The following ITGA1 variants were observed in gnomAD, a reference collection of about 807,000 sequenced individuals.
ITGA1 encodes integrin subunit alpha 1, also known as integrin alpha-1.
Under a neutral mutation model 145.9 loss-of-function variants are expected in ITGA1, and 85 were observed. The ratio of observed to expected loss-of-function variants is 0.58; its 90% confidence interval spans 0.49 to 0.70. ITGA1 has a LOEUF of 0.70. Ranked by LOEUF, ITGA1 falls within the 30% of genes least tolerant of loss-of-function variation. The probability of loss-of-function intolerance (pLI) is 0.00; values close to 1 mark genes in which losing one functional copy is unlikely to be tolerated. For synonymous variants in ITGA1, 520 were observed against 495.3 expected, an observed-to-expected ratio of 1.05 and a Z score of -0.66; for missense variants, 1,351 against 1,418.7, an observed-to-expected ratio of 0.95 and a Z score of 0.77.
At chr5:52,877,748 G>A (rs946773507) in intron 6 of ITGA1, among the ~76,000 whole-genome samples, 9 of 152,158 alleles carry the variant, frequency 5.9e-5, no homozygotes, top group Admixed American at 5.2e-4. Flanking sequence ...TCAAAATAAA[G>A]CTGTTTTCTT....
chr5:52,880,625 T>C (rs1749942235), intron 6 of ITGA1, among the ~76,000 whole-genome samples: 1 of 152,204 alleles, frequency 6.6e-6, no homozygotes, highest in African/African-American at 2.4e-5. Flanking sequence ...AAGGTTAGAC[T>C]AAGAAATAGG....
intron 21 of ITGA1, among the ~76,000 whole-genome samples, chr5:52,930,586 A>G (rs1400727805): frequency 1.3e-5 from 2 of 152,152 alleles, no homozygotes; most frequent in Non-Finnish European, 2.9e-5. Flanking sequence ...AATTAATAGA[A>G]GCTGAAATAA....
At chr5:52,839,102 A>G (rs1267512954) in intron 1 of ITGA1, among the ~76,000 whole-genome samples, 1 of 152,146 alleles carries the variant, frequency 6.6e-6, no homozygotes, top group Non-Finnish European at 1.5e-5. Context: ...GCCTCAAAAC[A>G]AAAACAACAA....
chr5:52,860,622 A>C (rs1463965296), intron 2 of ITGA1, among the ~76,000 whole-genome samples: 1 of 152,250 alleles, frequency 6.6e-6, no homozygotes. Context: ...ATCTCATACT[A>C]TGTAATTAAG....
At chr5:52,914,845 A>G (rs886232801) in intron 14 of ITGA1, among the ~76,000 whole-genome samples, 2 of 152,162 alleles carry the variant, frequency 1.3e-5, no homozygotes, top group East Asian at 1.9e-4. Context: ...CAAACATACT[A>G]TGTATGGTAA....
intron 5 of ITGA1, 37 bp from the exon 6 acceptor site, chr5:52,865,653 A>T: frequency 2.1e-6 from 3 of 1,406,592 alleles, no homozygotes; most frequent in Admixed American, 2.9e-5. Flanking sequence ...TGAAAAAAAT[A>T]GATTCCAAAT....
In ITGA1 at chr5:52,881,942, G is replaced by T; in HGVS notation, c.694G>T (p.Glu232Ter). The T allele has an allele frequency of 6.2e-7, 1 of 1,613,870 alleles. No individual in the cohort carries two copies. Among genetic ancestry groups the T allele is most frequent in the East Asian group, 2.2e-5 (1 of 44,866 alleles). Residue 232 changes from glutamate to a stop codon, truncating the protein, a stop_gained, in exon 7 of 29, where the codon GAG (glutamate) becomes TAG (stop). Coordinates refer to ENST00000282588, the MANE Select transcript of ITGA1 (RefSeq NM_181501.2). LOFTEE classifies it high-confidence loss of function. ...FNLNKYSSTEEVLVAAKKIVQ... is the reference protein window; with the variant it reads ...FNLNKYSSTE ...CCTCAATAAGTATTCTTCCACCGAA[G>T]AGGTACTTGTTGCAGCAAAGAAAAT...
intron 1 of ITGA1, among the ~76,000 whole-genome samples, chr5:52,790,439 C>G (rs1291052439): frequency 1.3e-5 from 2 of 152,178 alleles, no homozygotes; most frequent in Non-Finnish European, 2.9e-5. Context: ...TTCTGTAGGT[C>G]AGAAGTATCA....
chr5:52,924,928 AAG>A (rs1477943183), intron 18 of ITGA1, among the ~76,000 whole-genome samples: 1 of 152,202 alleles, frequency 6.6e-6, no homozygotes, highest in Admixed American at 6.5e-5. Flanking sequence ...GATTAATTTT[AAG>A]AGAAAAATCT....
chr5:52,830,618 T>C (rs1342523368), intron 1 of ITGA1, among the ~76,000 whole-genome samples: 1 of 152,212 alleles, frequency 6.6e-6, no homozygotes, highest in Non-Finnish European at 1.5e-5. Context: ...TTTTTATACT[T>C]TTAAATTAGT....
In ITGA1 at chr5:52,927,516, T is replaced by C. The variant is rs1033102209; in HGVS notation, c.2614-68T>C. The C allele has an allele frequency of 4.5e-6, 5 of 1,109,886 alleles. No homozygotes were observed. The African/African-American group carries it at 6.3e-5, about 14-fold the overall frequency. The allele number at this position is 1,109,886 out of a possible 1,614,324, so 68.8% of individuals were successfully genotyped here. On this transcript the variant is annotated intron_variant, in intron 19 of 28. Coordinates refer to ENST00000282588, the MANE Select transcript of ITGA1 (RefSeq NM_181501.2). ...GTCACCAAGACACATCTGGGAAAAT[T>C]CTGAAAGAACACGTATCAATATTTC...
At chr5:52,824,419 G>A (rs547910982) in intron 1 of ITGA1, 201 of 151,930 alleles carry the variant, frequency 1.3e-3, no homozygotes, top group Middle Eastern at 3.4e-3. Flanking sequence ...AGGGTCCCGA[G>A]TAGCTAGGAT....
intron 8 of ITGA1, among the ~76,000 whole-genome samples, chr5:52,892,197 C>G (rs7731949): frequency 6.6e-6 from 1 of 151,840 alleles, no homozygotes; most frequent in Non-Finnish European, 1.5e-5. Flanking sequence ...CTAACTACAC[C>G]GAGGAAGAAA....
At chr5:52,847,029 G>C (rs909635208) in intron 1 of ITGA1, among the ~76,000 whole-genome samples, 2 of 152,018 alleles carry the variant, frequency 1.3e-5, no homozygotes, top group Admixed American at 6.5e-5. Context: ...TTTGATAAAG[G>C]ATTAAAAAAA....
chr5:52,919,005 A>G (rs1750692013), intron 16 of ITGA1, 107 bp downstream of exon 16: 3 of 973,564 alleles, frequency 3.1e-6, no homozygotes, highest in Admixed American at 5.8e-5. Flanking sequence ...GGTGAGCTGC[A>G]CGTCATATTT....
rs1196980969 is a variant in ITGA1, at chr5:52,861,187, A to T, written c.183-260A>T. On this transcript the variant is annotated intron_variant, in intron 2 of 28. Coordinates refer to ENST00000282588, the MANE Select transcript of ITGA1 (RefSeq NM_181501.2). The stretch of plus-strand genomic sequence containing the variant: ...CACATATACATGTATATACACACAT[A>T]TATATGTATATACACACATGTATAT... Among the ~76,000 whole-genome samples the T allele has an allele frequency of 2.0e-5, 3 of 152,280 alleles. No individual in the cohort carries two copies. In the East Asian group the frequency reaches 5.8e-4, roughly 29 times the overall value.
chr5:52,849,506 G>A, intron 2 of ITGA1, 21 bp downstream of exon 2: 2 of 1,572,004 alleles, frequency 1.3e-6, no homozygotes, highest in Non-Finnish European at 1.7e-6. Flanking sequence ...GGGTTTTGTT[G>A]TTGTTATTTA....
At chr5:52,865,106 T>C (rs1441694989) in intron 5 of ITGA1, 24 bp downstream of exon 5, 2 of 1,533,328 alleles carry the variant, frequency 1.3e-6, no homozygotes, top group Admixed American at 1.7e-5. Flanking sequence ...GCAATGTTCT[T>C]GCATGTTTGA....
chr5:52,900,525 G>T (rs1019654614), intron 11 of ITGA1, among the ~76,000 whole-genome samples: 2 of 152,062 alleles, frequency 1.3e-5, no homozygotes, highest in African/African-American at 4.8e-5. Flanking sequence ...TATCCTAAAT[G>T]CCCGAAAATA....
Sources: gnomAD v4.1 joint callset for allele counts (sites outside exome capture counted in the v4.1 genomes callset) on GRCh38, gnomAD v4.1.1 for gene constraint, MANE v1.5 for transcripts, NCBI Gene and HGNC (gene_info 2026-07-23, HGNC 2026-07-21) for gene names.